The following GET3 variants were observed in gnomAD, a reference collection of about 807,000 sequenced individuals.
GET3 encodes the protein guided entry of tail-anchored proteins factor 3, ATPase, also known as ATPase GET3.
GET3 carries 15 observed loss-of-function variants against 32.4 expected under a neutral mutation model. That is an observed-to-expected ratio of 0.46 (90% CI 0.31 to 0.71). The LOEUF (loss-of-function observed/expected upper bound fraction) is 0.71. Ranked by LOEUF, GET3 falls within the 30% of genes least tolerant of loss-of-function variation. GET3 has a pLI of 0.05. For missense variants in GET3, 333 were observed against 459.0 expected (o/e 0.73, Z 2.51); for synonymous variants, 198 against 185.6 (o/e 1.07, Z -0.54).
chr19:12,742,745 A>G (rs181019869), intron 2 of GET3, among the ~76,000 whole-genome samples: 51 of 152,046 alleles, frequency 3.4e-4, no homozygotes, highest in African/African-American at 1.1e-3. Flanking sequence ...CGGGGTTTCA[A>G]CATGTTGGCC....
chr19:12,747,158 C>A lies in GET3; in HGVS notation c.610-39C>A. 4 of 1,525,048 alleles carry A rather than the reference C, an allele frequency of 2.6e-6. No homozygotes were observed. Among genetic ancestry groups the A allele is most frequent in the Non-Finnish European group, 3.5e-6 (4 of 1,134,918 alleles). The allele number at this position is 1,525,048 out of a possible 1,614,324, so 94.5% of individuals were successfully genotyped here. On this transcript the variant is annotated intron_variant, in intron 4 of 6. Coordinates refer to ENST00000357332, the MANE Select transcript of GET3 (RefSeq NM_004317.4). This position sits in a 1 kb window ranked among gnomAD's most constrained non-coding sequence, Gnocchi z 4.0. The stretch of plus-strand genomic sequence containing the variant: ...GTGAACCCCCAACCCAGGAGGTCGC[C>A]GCAGGTAAGCTATGAGCCCTCCCAC...
chr19:12,739,397 C>A (rs1568347844), intron 2 of GET3, among the ~76,000 whole-genome samples: 1 of 152,156 alleles, frequency 6.6e-6, no homozygotes, highest in Non-Finnish European at 1.5e-5. Flanking sequence ...AACTCCTGAC[C>A]TCAAGTGATC....
In GET3 at chr19:12,745,418, G is replaced by A. The variant is rs1173093664; in HGVS notation, c.351G>A (p.Glu117=). The change falls in exon 3 of 7, where the codon GAG becomes GAA. Residue 117 remains glutamate, a synonymous_variant. Coordinates refer to ENST00000357332, the MANE Select transcript of GET3 (RefSeq NM_004317.4). This position sits in a 1 kb window ranked among gnomAD's most constrained non-coding sequence, Gnocchi z 5.0. ...TGGGCGTGGCGGAGCTGCCTGACGA[G>A]TTCTTCGAGGAGGACAACATGCTGA... ...PSLGVAELPD[E]FFEEDNMLSM... The A allele has an allele frequency of 1.2e-6, 2 of 1,612,504 alleles. No individual in the cohort carries two copies. The highest frequency in any genetic ancestry group is 2.2e-5 in the East Asian group (1 of 44,882).
intron 2 of GET3, among the ~76,000 whole-genome samples, chr19:12,744,641 G>C (rs550841113): frequency 6.6e-6 from 1 of 152,074 alleles, no homozygotes; most frequent in Non-Finnish European, 1.5e-5. Flanking sequence ...ATGTGCTGAC[G>C]ACCTCTGTGC....
chr19:12,737,531 G>C lies in GET3; in HGVS notation c.26G>C (p.Gly9Ala). Residue 9 changes from glycine to alanine, a missense_variant, in exon 1 of 7, where the codon GGG becomes GCG. Physicochemically the swap from Gly to Ala is moderately conservative, Grantham distance 60. This residue lies in a region of GET3 where 64 missense variants were observed against 36.7 expected (regional missense o/e 1.74). Transcript: ENST00000357332. MAAGVAGW[G>A]VEAEEFEDAP... The stretch of plus-strand genomic sequence containing the variant: ...ATGGCGGCAGGGGTGGCCGGGTGGG[G>C]GGTTGAGGCAGAGGAGTTCGAAGAT... 3 of 1,578,060 alleles carry C rather than the reference G, an allele frequency of 1.9e-6. No homozygotes were observed. Among genetic ancestry groups the C allele is most frequent in the Non-Finnish European group, 2.6e-6 (3 of 1,163,590 alleles).
In GET3 at chr19:12,747,495, A is replaced by G. The variant is rs1233525785; in HGVS notation, c.818A>G (p.His273Arg). ...QELAKCKIDT[H>R]NIIVNQLVFP... is the part of the protein sequence containing the mutation. ...CTGGCCAAGTGCAAGATTGACACAC[A>G]CAATATAATTGTCAACCAGCTCGTC... is the stretch of plus-strand genomic sequence containing the variant. The change falls in exon 6 of 7, where the codon CAC becomes CGC. Residue 273 changes from histidine to arginine, a missense_variant. By Grantham distance (29) the His-to-Arg change is conservative (BLOSUM62 0). Transcript: ENST00000357332. This position sits in a 1 kb window ranked among gnomAD's most constrained non-coding sequence, Gnocchi z 4.0. 4 of 1,613,900 alleles carry G rather than the reference A, an allele frequency of 2.5e-6. No homozygotes were observed. The Admixed American group carries it at 6.7e-5, about 27-fold the overall frequency.
intron 2 of GET3, among the ~76,000 whole-genome samples, chr19:12,743,912 G>C (rs1422402308): frequency 6.9e-6 from 1 of 144,358 alleles, no homozygotes; most frequent in African/African-American, 2.5e-5. Flanking sequence ...TGTATTTTTA[G>C]TAGAGACGGG....
Position 12,747,221 on chromosome 19 carries a change from G to T in GET3, c.634G>T (p.Asp212Tyr). Residue 212 changes from aspartate (D) to tyrosine (Y), a missense_variant, in exon 5 of 7, where the codon GAC becomes TAC. Around this residue, in one of 3 missense-constraint regions of GET3, gnomAD observed 230 missense variants for 389.2 expected, o/e 0.59. Coordinates refer to ENST00000357332, the MANE Select transcript of GET3 (RefSeq NM_004317.4). This position sits in a 1 kb window ranked among gnomAD's most constrained non-coding sequence, Gnocchi z 4.0. ...GATGTGCAACATGCTGGGCCTGGGG[G>T]ACATGAACGCAGACCAGCTGGCCTC... ...SQMCNMLGLGDMNADQLASKL... is the reference protein window; with the variant it reads ...SQMCNMLGLGYMNADQLASKL... The T allele has an allele frequency of 6.2e-7, 1 of 1,609,742 alleles. No homozygotes were observed. The highest frequency in any genetic ancestry group is 1.1e-5 in the South Asian group (1 of 90,500).
intron 2 of GET3, among the ~76,000 whole-genome samples, chr19:12,744,905 A>C (rs1967740491): frequency 6.6e-6 from 1 of 152,036 alleles, no homozygotes; most frequent in Non-Finnish European, 1.5e-5. Flanking sequence ...GGCGTGAGCT[A>C]TCCTGCCCAG....
chr19:12,745,416 G>A lies in GET3; in HGVS notation c.349G>A (p.Glu117Lys). The change falls in exon 3 of 7, where the codon GAG (glutamate) becomes AAG (lysine). Residue 117 changes from glutamate (E) to lysine (K), a missense_variant. Physicochemically the swap from Glu to Lys is moderately conservative, Grantham distance 56 (BLOSUM62 1). Coordinates refer to ENST00000357332, the MANE Select transcript of GET3 (RefSeq NM_004317.4). This position sits in a 1 kb window ranked among gnomAD's most constrained non-coding sequence, Gnocchi z 5.0. ...CCTGGGCGTGGCGGAGCTGCCTGAC[G>A]AGTTCTTCGAGGAGGACAACATGCT... is the stretch of plus-strand genomic sequence containing the variant. The part of the protein sequence containing the change: ...PSLGVAELPD[E>K]FFEEDNMLSM... 2.5e-6 allele frequency: 4 copies of A among 1,612,490 alleles called. No homozygotes were observed. Among genetic ancestry groups the A allele is most frequent in the Non-Finnish European group, 3.4e-6 (4 of 1,179,988 alleles).
At position 12,747,703 on chromosome 19, in the gene GET3, C is replaced by T. The variant is rs1967800411; in HGVS notation, c.915+111C>T. The T allele has an allele frequency of 1.5e-6, 2 of 1,352,264 alleles. No homozygotes were observed. The highest frequency in any genetic ancestry group is 4.4e-5 in the Admixed American group (2 of 44,966). 83.8% of individuals were successfully genotyped at this position (1,352,264 alleles called of 1,614,324 possible). ...GCCCTCTAGCCTCCTGCCCTTTGCC[C>T]CCACATTTCAGATCCTTCACCCTTA... On this transcript the variant is annotated intron_variant, in intron 6 of 6. Coordinates refer to ENST00000357332, the MANE Select transcript of GET3 (RefSeq NM_004317.4). The surrounding 1 kb of genome is among the most constrained non-coding windows in gnomAD (Gnocchi z 4.0).
At chr19:12,740,641 C>T (rs1967651231) in intron 2 of GET3, among the ~76,000 whole-genome samples, 1 of 152,154 alleles carries the variant, frequency 6.6e-6, no homozygotes, top group Non-Finnish European at 1.5e-5. Flanking sequence ...CGCGCCACTG[C>T]TTTACAGCCT....
Position 12,745,022 on chromosome 19 carries a change from A to G in GET3, c.310-355A>G, listed in dbSNP as rs1452278872. On this transcript the variant is annotated intron_variant, in intron 2 of 6. Coordinates refer to ENST00000357332, the MANE Select transcript of GET3 (RefSeq NM_004317.4). This position sits in a 1 kb window ranked among gnomAD's most constrained non-coding sequence, Gnocchi z 5.0. Reference sequence around the variant, plus strand: ...GGAGTCTCTCAGTGGAGGGATGATGATCCGGAAGAGGTCATGGCCCAGTCA... The same window carrying G: ...GGAGTCTCTCAGTGGAGGGATGATGGTCCGGAAGAGGTCATGGCCCAGTCA... 6.6e-6 allele frequency among the ~76,000 whole-genome samples: 1 copy of G among 151,938 alleles called. No individual in the cohort carries two copies. The highest frequency in any genetic ancestry group is 1.5e-5 in the Non-Finnish European group (1 of 67,962).
chr19:12,739,464 C>T (rs1255838194), intron 2 of GET3, among the ~76,000 whole-genome samples: 1 of 152,120 alleles, frequency 6.6e-6, no homozygotes, highest in East Asian at 1.9e-4. Context: ...CCACATCGCA[C>T]CAGGGATGTA....
At chr19:12,737,471 G>C (rs1262704170), upstream of GET3, 2 of 1,461,782 alleles carry the variant, frequency 1.4e-6, no homozygotes, top group East Asian at 5.3e-5. Flanking sequence ...TCTTCGTATG[G>C]TGCGCTCCGC....
At chr19:12,741,642 C>G (rs1967671290) in intron 2 of GET3, among the ~76,000 whole-genome samples, 1 of 151,908 alleles carries the variant, frequency 6.6e-6, no homozygotes, top group Non-Finnish European at 1.5e-5. Context: ...ACCTGTAGTC[C>G]CAGTTACACG....
Position 12,748,037 on chromosome 19 carries a change from G to T in GET3, c.980G>T (p.Gly327Val). The change falls in exon 7 of 7, where the codon GGG (glycine) becomes GTG (valine). Residue 327 changes from glycine to valine, a missense_variant. Physicochemically the swap from Gly to Val is moderately radical, Grantham distance 109. Transcript: ENST00000357332. Reference protein sequence around the residue: ...KLPLLPHEVRGADKVNTFSAL... With the variant: ...KLPLLPHEVRVADKVNTFSAL... ...CCGCTGTTACCCCATGAGGTGCGGGGGGCAGACAAGGTCAACACCTTCTCG... is the reference window on the plus strand; with the variant it reads ...CCGCTGTTACCCCATGAGGTGCGGGTGGCAGACAAGGTCAACACCTTCTCG... The T allele has an allele frequency of 1.2e-6, 2 of 1,612,230 alleles. No homozygotes were observed. The highest frequency in any genetic ancestry group is 1.7e-6 in the Non-Finnish European group (2 of 1,178,736).
At chr19:12,740,295 G>A (rs1967643170) in intron 2 of GET3, among the ~76,000 whole-genome samples, 2 of 152,008 alleles carry the variant, frequency 1.3e-5, no homozygotes, top group South Asian at 2.1e-4. Flanking sequence ...GCAGGAGAGT[G>A]GCGTGAACCC....
chr19:12,737,125 G>C (rs1967582712), upstream of GET3: 1 of 166,228 alleles, frequency 6.0e-6, no homozygotes, highest in African/African-American at 2.4e-5. Flanking sequence ...TCACCGAAAG[G>C]GCATGGACTG....
Sources: allele counts gnomAD v4.1 joint callset (sites outside exome capture counted in the v4.1 genomes callset), GRCh38; gene constraint gnomAD v4.1.1; regional missense constraint gnomAD v4.1.1; non-coding constraint Gnocchi (gnomAD v3.1); transcripts MANE v1.5; gene names NCBI Gene and HGNC (gene_info 2026-07-23, HGNC 2026-07-21).